The following RIMS2 variants were observed in gnomAD, a reference collection of about 807,000 sequenced individuals.
RIMS2 encodes regulating synaptic membrane exocytosis protein 2.
RIMS2 carries 59 observed loss-of-function variants against 174.4 expected under a neutral mutation model. The ratio of observed to expected loss-of-function variants is 0.34; its 90% confidence interval spans 0.27 to 0.42. The LOEUF (loss-of-function observed/expected upper bound fraction) is 0.42. RIMS2 is among the 10% of genes least tolerant of loss of function. The probability of loss-of-function intolerance (pLI) is 1.00; values close to 1 mark genes in which losing one functional copy is unlikely to be tolerated. For missense variants in RIMS2, 1,620 were observed against 1,666.3 expected (o/e 0.97, Z 0.48); for synonymous variants, 606 against 572.5 (o/e 1.06, Z -0.84).
intron 19 of RIMS2, among the ~76,000 whole-genome samples, chr8:104,084,437 CAAA>C (rs34285862): frequency 1.3e-5 from 1 of 76,708 alleles, no homozygotes. Context: ...GACTCTGTCT[CAAA>C]AAAAAAAAAA....
chr8:103,857,324 T>C (rs971609527), intron 3 of RIMS2, among the ~76,000 whole-genome samples: 2 of 152,236 alleles, frequency 1.3e-5, no homozygotes, highest in Non-Finnish European at 2.9e-5. Flanking sequence ...TTACAGTTTA[T>C]TGAAATTCTT....
At chr8:104,118,283 T>C (rs1226977542) in intron 19 of RIMS2, among the ~76,000 whole-genome samples, 1 of 152,030 alleles carries the variant, frequency 6.6e-6, no homozygotes, top group Non-Finnish European at 1.5e-5. Context: ...AAAAACTCAA[T>C]ACCAAAGATT....
At chr8:103,858,216 G>C (rs977820546) in intron 3 of RIMS2, among the ~76,000 whole-genome samples, 1 of 152,184 alleles carries the variant, frequency 6.6e-6, no homozygotes, top group African/African-American at 2.4e-5. Flanking sequence ...GCTAAAACAG[G>C]CATGAGACAT....
intron 17 of RIMS2, among the ~76,000 whole-genome samples, chr8:103,995,498 A>T (rs2095033779): frequency 6.6e-6 from 1 of 152,096 alleles, no homozygotes; most frequent in Non-Finnish European, 1.5e-5. Context: ...CATTCTTGAC[A>T]GAATGATGAA....
rs552962227 is a variant in RIMS2 at position 103,799,334 on chromosome 8, T to G, written c.698+32797T>G. 3.3e-5 allele frequency among the ~76,000 whole-genome samples: 5 copies of G among 152,296 alleles called. No individual in the cohort carries two copies. In the South Asian group the frequency reaches 1.0e-3, roughly 32 times the overall value. ...CAATGGAAAATTAATAGATACTCCC[T>G]TGTGTGAATATACTATATTTTATTT... is the stretch of plus-strand genomic sequence containing the variant. On this transcript the variant is annotated intron_variant, in intron 3 of 23. Coordinates refer to ENST00000504942, the Ensembl canonical transcript of RIMS2.
At chr8:103,579,259 TC>T (rs879797284) in intron 1 of RIMS2, among the ~76,000 whole-genome samples, 122 of 59,904 alleles carry the variant, frequency 2.0e-3, no homozygotes, top group Non-Finnish European at 4.0e-3. Context: ...TCTGTCTCTG[TC>T]TCACACACAC....
At chr8:103,513,107 A>G (rs1287472244) in intron 1 of RIMS2, among the ~76,000 whole-genome samples, 4 of 152,210 alleles carry the variant, frequency 2.6e-5, no homozygotes, top group Non-Finnish European at 5.9e-5. Flanking sequence ...TGGATTTCCC[A>G]GGATGAACCC....
chr8:103,609,966 C>T (rs369641505), intron 1 of RIMS2, among the ~76,000 whole-genome samples: 17 of 152,168 alleles, frequency 1.1e-4, no homozygotes, highest in South Asian at 2.1e-4. Context: ...TCCATGAGTA[C>T]GGAATGCCTT....
chr8:104,111,975 A>G (rs1214472505), intron 19 of RIMS2, among the ~76,000 whole-genome samples: 1 of 151,876 alleles, frequency 6.6e-6, no homozygotes, highest in Middle Eastern at 3.4e-3. Context: ...TCTCCTCCTC[A>G]TTTTCATTTC....
chr8:104,133,855 TG>T (rs1460257653), intron 19 of RIMS2, among the ~76,000 whole-genome samples: 10 of 152,170 alleles, frequency 6.6e-5, no homozygotes, highest in Non-Finnish European at 1.0e-4. Flanking sequence ...TACTCTTTAC[TG>T]AAATAAGGAA....
chr8:104,237,328 T>C (rs1337419914), intron 19 of RIMS2, among the ~76,000 whole-genome samples: 3 of 152,138 alleles, frequency 2.0e-5, no homozygotes, highest in Non-Finnish European at 4.4e-5. Flanking sequence ...CTAAAAATAT[T>C]AATGGCTTAA....
intron 19 of RIMS2, among the ~76,000 whole-genome samples, chr8:104,240,101 T>C (rs1383506033): frequency 6.6e-6 from 1 of 152,230 alleles, no homozygotes; most frequent in African/African-American, 2.4e-5. Flanking sequence ...TTCACATCTC[T>C]GTGATTTCCC....
chr8:103,998,149 G>C lies in RIMS2; in HGVS notation c.3044+8728G>C, dbSNP rs536463610. On this transcript the variant is annotated intron_variant, in intron 17 of 23. Transcript: ENST00000504942. The stretch of plus-strand genomic sequence containing the variant: ...TACTTTTTTTTCACTTCTTTCTTGA[G>C]TCTTATTTATATTCTTGTTTCTGCC... 3.4e-6 allele frequency: 5 copies of C among 1,465,934 alleles called. No individual in the cohort carries two copies. The South Asian group carries it at 4.8e-5, about 14-fold the overall frequency. The allele number at this position is 1,465,934 out of a possible 1,614,324, so 90.8% of individuals were successfully genotyped here. A position where few individuals can be genotyped will look rare whatever the true frequency, so the allele number is the denominator to read the frequency against.
intron 3 of RIMS2, among the ~76,000 whole-genome samples, chr8:103,788,477 T>A (rs2098464813): frequency 1.3e-5 from 2 of 148,964 alleles, no homozygotes; most frequent in South Asian, 4.3e-4. Context: ...GTTTGTTAGT[T>A]TTCCTTCTAA....
chr8:104,117,706 A>G (rs1433597162), intron 19 of RIMS2, among the ~76,000 whole-genome samples: 4 of 152,114 alleles, frequency 2.6e-5, no homozygotes, highest in Non-Finnish European at 4.4e-5. Context: ...TACATTTTCT[A>G]TTTGTTTATA....
chr8:103,663,043 A>G (rs1314990302), intron 1 of RIMS2, among the ~76,000 whole-genome samples: 1 of 152,040 alleles, frequency 6.6e-6, no homozygotes, highest in Non-Finnish European at 1.5e-5. Flanking sequence ...AATGGCACGT[A>G]ACTGTAATCC....
intron 1 of RIMS2, among the ~76,000 whole-genome samples, chr8:103,675,267 T>A (rs2096793832): frequency 6.6e-6 from 1 of 152,184 alleles, no homozygotes; most frequent in Non-Finnish European, 1.5e-5. Context: ...TAGTCCTGGG[T>A]CTCAGGTAGC....
chr8:104,165,576 T>C (rs1437218863), intron 19 of RIMS2, among the ~76,000 whole-genome samples: 3 of 152,162 alleles, frequency 2.0e-5, no homozygotes, highest in South Asian at 2.1e-4. Context: ...TGTAAATTCA[T>C]TTAGTTTTAA....
At chr8:103,590,377 C>T (rs1423244745) in intron 1 of RIMS2, among the ~76,000 whole-genome samples, 5 of 151,330 alleles carry the variant, frequency 3.3e-5, no homozygotes, top group East Asian at 1.9e-4. Flanking sequence ...GCCATATCCA[C>T]GAAGCCCCAG....
Sources: gnomAD v4.1 joint callset for allele counts (sites outside exome capture counted in the v4.1 genomes callset) on GRCh38, gnomAD v4.1.1 for gene constraint, MANE v1.5 for transcripts, NCBI Gene and HGNC (gene_info 2026-07-23, HGNC 2026-07-21) for gene names.